The following EYS variants were observed in gnomAD, a reference collection of about 807,000 sequenced individuals.
EYS encodes protein eyes shut homolog.
Under a neutral mutation model 282.1 loss-of-function variants are expected in EYS, and 250 were observed. The observed-to-expected ratio is 0.89, with a 90% CI of 0.80 to 0.98. The LOEUF (loss-of-function observed/expected upper bound fraction) is 0.98. EYS is among the 50% of genes least tolerant of loss of function. The pLI is 0.00. For synonymous variants in EYS, 1,355 were observed against 1,282.9 expected (o/e 1.06, Z -1.20); for missense variants, 4,016 against 3,709.0 (o/e 1.08, Z -2.15).
chr6:64,687,615 G>A lies in EYS; in HGVS notation c.3444-61370C>T, dbSNP rs1052023575. ...AACTTTTTGATATGCGGCTGGATTC[G>A]GTTTGCCAGTATTTTATTGAGGATT... On this transcript the variant is annotated intron_variant, in intron 22 of 42. Coordinates refer to ENST00000503581, the MANE Select transcript of EYS (RefSeq NM_001142800.2). 1.4e-4 allele frequency among the ~76,000 whole-genome samples: 21 copies of A among 152,094 alleles called. 1 individual carries two copies. Among genetic ancestry groups the A allele is most frequent in the Admixed American group, 9.8e-4 (15 of 15,262 alleles).
intron 11 of EYS, among the ~76,000 whole-genome samples, chr6:65,333,158 T>C (rs568763675): frequency 9.5e-4 from 144 of 151,622 alleles, no homozygotes; most frequent in Non-Finnish European, 1.6e-3. Context: ...GTTGTGGAAG[T>C]TTAGGCTATT....
chr6:65,108,463 AT>A (rs1775110455), intron 12 of EYS, among the ~76,000 whole-genome samples: 1 of 152,082 alleles, frequency 6.6e-6, no homozygotes, highest in Non-Finnish European at 1.5e-5. Context: ...ACACCAGCTA[AT>A]TTTTTATATT....
chr6:65,097,598 A>C (rs1774775530), intron 12 of EYS, among the ~76,000 whole-genome samples: 1 of 150,844 alleles, frequency 6.6e-6, no homozygotes, highest in Non-Finnish European at 1.5e-5. Flanking sequence ...AAACCACCTA[A>C]ATGTCTATTG....
chr6:64,243,712 A>G (rs1766912807), intron 30 of EYS, among the ~76,000 whole-genome samples: 1 of 152,226 alleles, frequency 6.6e-6, no homozygotes, highest in African/African-American at 2.4e-5. Flanking sequence ...TGTTATAAAA[A>G]TTGCTATTAA....
intron 5 of EYS, among the ~76,000 whole-genome samples, chr6:65,486,807 A>G (rs1765799776): frequency 6.6e-6 from 1 of 152,216 alleles, no homozygotes; most frequent in Non-Finnish European, 1.5e-5. Flanking sequence ...AATATCTTGG[A>G]AAATGTTATC....
intron 2 of EYS, among the ~76,000 whole-genome samples, chr6:65,532,220 A>G (rs1767799802): frequency 6.6e-6 from 1 of 152,156 alleles, no homozygotes; most frequent in African/African-American, 2.4e-5. Context: ...TAAAATTAAA[A>G]CAAAAATCTA....
intron 2 of EYS, among the ~76,000 whole-genome samples, chr6:65,567,819 C>T (rs1232774701): frequency 1.3e-5 from 2 of 151,984 alleles, no homozygotes; most frequent in East Asian, 3.9e-4. Context: ...AATATTGCTC[C>T]CTTAAGTGGG....
intron 13 of EYS, among the ~76,000 whole-genome samples, chr6:65,038,308 A>G (rs947705925): frequency 6.6e-6 from 1 of 151,428 alleles, no homozygotes; most frequent in Non-Finnish European, 1.5e-5. Flanking sequence ...CAATTTTTTT[A>G]ATGTTTTTCC....
chr6:64,821,153 A>G (rs1319920981), intron 21 of EYS, among the ~76,000 whole-genome samples: 1 of 151,760 alleles, frequency 6.6e-6, no homozygotes, highest in Non-Finnish European at 1.5e-5. Context: ...ACCACATGAG[A>G]CTCCTGAAGA....
intron 2 of EYS, among the ~76,000 whole-genome samples, chr6:65,566,369 A>C (rs1443953627): frequency 1.3e-5 from 2 of 152,036 alleles, no homozygotes; most frequent in African/African-American, 4.8e-5. Context: ...ACACAAGGGG[A>C]AGGATGAGGG....
chr6:63,917,076 CAA>C (rs1342374023), intron 35 of EYS, among the ~76,000 whole-genome samples: 1 of 152,168 alleles, frequency 6.6e-6, no homozygotes, highest in African/African-American at 2.4e-5. Flanking sequence ...AAAAATTTTT[CAA>C]AGATATTTGT....
intron 30 of EYS, among the ~76,000 whole-genome samples, chr6:64,231,691 A>G (rs973264054): frequency 2.0e-5 from 3 of 152,148 alleles, no homozygotes; most frequent in Non-Finnish European, 4.4e-5. Context: ...TCTACTATTT[A>G]GATGTATATA....
At chr6:64,177,247 C>T (rs1009447575) in intron 31 of EYS, among the ~76,000 whole-genome samples, 29 of 151,316 alleles carry the variant, frequency 1.9e-4, no homozygotes, top group African/African-American at 6.5e-4. Flanking sequence ...TCTCCTTTTT[C>T]TCCTTATTTT....
chr6:64,957,716 T>C (rs1769759327), intron 14 of EYS, among the ~76,000 whole-genome samples: 1 of 152,100 alleles, frequency 6.6e-6, no homozygotes. Flanking sequence ...ATACCATAAA[T>C]ATATACACCT....
intron 22 of EYS, among the ~76,000 whole-genome samples, chr6:64,746,047 T>A (rs1772546495): frequency 6.6e-6 from 1 of 152,098 alleles, no homozygotes; most frequent in South Asian, 2.1e-4. Flanking sequence ...TACTTTAAAT[T>A]TTTTATTTGA....
intron 12 of EYS, among the ~76,000 whole-genome samples, chr6:65,114,438 C>T (rs1775308980): frequency 6.9e-6 from 1 of 143,940 alleles, no homozygotes; most frequent in Non-Finnish European, 1.5e-5. Flanking sequence ...TTATTCTAGA[C>T]ATTTGGGTAA....
intron 31 of EYS, among the ~76,000 whole-genome samples, chr6:64,157,379 A>C (rs955424366): frequency 2.6e-5 from 4 of 152,202 alleles, no homozygotes; most frequent in African/African-American, 9.7e-5. Flanking sequence ...GTGTGATAGA[A>C]AAGAAAAACC....
intron 35 of EYS, among the ~76,000 whole-genome samples, chr6:63,880,758 A>G (rs1773112299): frequency 6.6e-6 from 1 of 152,132 alleles, no homozygotes; most frequent in Non-Finnish European, 1.5e-5. Context: ...AGTTTTAAAT[A>G]CAAGAGGCTG....
At chr6:65,111,678 T>A (rs9453184) in intron 12 of EYS, among the ~76,000 whole-genome samples, 5,023 of 152,032 alleles carry the variant, frequency 0.033, 212 homozygotes, top group African/African-American at 0.1. Flanking sequence ...TGAAGCCCCA[T>A]CTCTACTAAA....
Sources: allele counts gnomAD v4.1 joint callset (sites outside exome capture counted in the v4.1 genomes callset), GRCh38; gene constraint gnomAD v4.1.1; transcripts MANE v1.5; gene names NCBI Gene and HGNC (gene_info 2026-07-23, HGNC 2026-07-21).